SGCE: variants seen among roughly 807,000 people sequenced by gnomAD.
SGCE encodes the protein sarcoglycan epsilon, also known as epsilon-sarcoglycan.
A neutral mutation model predicts 57.8 loss-of-function variants in SGCE; 26 were observed. The ratio of observed to expected loss-of-function variants is 0.45; its 90% confidence interval spans 0.33 to 0.62. The LOEUF is 0.62. Among genes scored for constraint, SGCE ranks in the 20% least tolerant of loss-of-function variants. The pLI is 0.02. For missense variants in SGCE, 468 were observed against 548.6 expected, an observed-to-expected ratio of 0.85 and a Z score of 1.47; for synonymous variants, 183 against 189.5, an observed-to-expected ratio of 0.97 and a Z score of 0.28.
Position 94,629,732 on chromosome 7 carries a change from A to G in SGCE, c.219T>C (p.Pro73=), listed in dbSNP as rs750056501. The change falls in exon 2 of 11, where the codon CCT becomes CCC. Residue 73 remains proline, a synonymous_variant. Transcript: ENST00000648936. The part of the protein sequence containing the change: ...EREYFKGEFP[P]YPKPGEISND... The stretch of plus-strand genomic sequence containing the variant: ...CAAAGAACATACCAGGTTTTGGGTA[A>G]GGTGGAAATTCCCCCTTAAAATATT... 6.2e-7 allele frequency: 1 copy of G among 1,611,192 alleles called. No individual in the cohort carries two copies. Among genetic ancestry groups the G allele is most frequent in the Non-Finnish European group, 8.5e-7 (1 of 1,177,822 alleles).
chr7:94,652,265 T>G (rs1395522575), intron 1 of SGCE, among the ~76,000 whole-genome samples: 1 of 152,088 alleles, frequency 6.6e-6, no homozygotes, highest in Non-Finnish European at 1.5e-5. Context: ...AGGAAATAAG[T>G]GTTAGAATAT....
chr7:94,650,500 G>T, intron 1 of SGCE, among the ~76,000 whole-genome samples: 1 of 152,204 alleles, frequency 6.6e-6, no homozygotes, highest in Admixed American at 6.5e-5. Context: ...AACAGAATGG[G>T]AGAGATAGGA....
chr7:94,610,810 A>C (rs1800903579), intron 5 of SGCE, among the ~76,000 whole-genome samples: 1 of 152,226 alleles, frequency 6.6e-6, no homozygotes, highest in Non-Finnish European at 1.5e-5. Context: ...TAATCAAAAA[A>C]TGAATAATTC....
chr7:94,642,866 C>A (rs1468506612), intron 1 of SGCE, among the ~76,000 whole-genome samples: 1 of 152,198 alleles, frequency 6.6e-6, no homozygotes, highest in Non-Finnish European at 1.5e-5. Context: ...GAGCAAGGTA[C>A]TTTCACATAT....
chr7:94,649,752 C>T (rs1562903815), intron 1 of SGCE, among the ~76,000 whole-genome samples: 1 of 152,198 alleles, frequency 6.6e-6, no homozygotes, highest in Non-Finnish European at 1.5e-5. Context: ...AAAGTGACTG[C>T]ATTTCTGACC....
intron 10 of SGCE, chr7:94,586,489 G>GTTTCCTTTTTTCTTTT: frequency 6.6e-6 from 1 of 151,964 alleles, no homozygotes; most frequent in Non-Finnish European, 1.5e-5. Flanking sequence ...CTCCATTTAG[G>GTTTCCTTTTTTCTTTT]TTTTCTTTTT....
chr7:94,592,669 TG>T (rs1040099694), intron 9 of SGCE, among the ~76,000 whole-genome samples: 4 of 152,058 alleles, frequency 2.6e-5, no homozygotes, highest in African/African-American at 9.7e-5. Flanking sequence ...ATAAGTGAGT[TG>T]GGGGGAGTAC....
chr7:94,656,118 T>C lies in SGCE; in HGVS notation c.-20A>G. ...TTGCATTCTTGGCCTGGCTAGGCCG[T>C]CCGTCCTCGATTCTCCCCTCCCCTC... is the stretch of plus-strand genomic sequence containing the variant. On this transcript the variant is annotated 5_prime_UTR_variant, in exon 1 of 11. Coordinates refer to ENST00000648936, the MANE Select transcript of SGCE (RefSeq NM_003919.3). The C allele has an allele frequency of 6.9e-7, 1 of 1,447,238 alleles. No homozygotes were observed. Among genetic ancestry groups the C allele is most frequent in the Non-Finnish European group, 9.7e-7 (1 of 1,028,258 alleles). 89.6% of individuals were successfully genotyped at this position (1,447,238 alleles called of 1,614,324 possible).
At chr7:94,629,887 G>A (rs752056202) in intron 1 of SGCE, 46 bp from the exon 2 acceptor site, 90 of 1,605,106 alleles carry the variant, frequency 5.6e-5, no homozygotes, top group Non-Finnish European at 7.6e-5. Context: ...CAAATAATGA[G>A]ATACGCCCTT....
At chr7:94,643,082 T>A (rs551025816) in intron 1 of SGCE, among the ~76,000 whole-genome samples, 1 of 152,360 alleles carries the variant, frequency 6.6e-6, no homozygotes, top group South Asian at 2.1e-4. Context: ...CCTTCCTTTA[T>A]TCTAGCTCAG....
chr7:94,593,290 G>A (rs1349479486), intron 9 of SGCE, among the ~76,000 whole-genome samples: 1 of 151,930 alleles, frequency 6.6e-6, no homozygotes, highest in Non-Finnish European at 1.5e-5. Flanking sequence ...TTAGAATAAT[G>A]AATAAGGAAA....
At chr7:94,591,380 A>C (rs1797652077) in intron 9 of SGCE, among the ~76,000 whole-genome samples, 2 of 152,286 alleles carry the variant, frequency 1.3e-5, no homozygotes, top group East Asian at 3.9e-4. Flanking sequence ...CCTTCTACAC[A>C]TAGGCGCACA....
At chr7:94,648,818 A>G (rs1313614634) in intron 1 of SGCE, among the ~76,000 whole-genome samples, 1 of 152,250 alleles carries the variant, frequency 6.6e-6, no homozygotes, top group Non-Finnish European at 1.5e-5. Context: ...GTAAAAGAGC[A>G]ACTATACTTC....
chr7:94,629,290 T>C (rs932031501), intron 2 of SGCE: 3 of 160,058 alleles, frequency 1.9e-5, no homozygotes, highest in Non-Finnish European at 2.7e-5. Flanking sequence ...TGGAGTTATA[T>C]AAAATTATCT....
chr7:94,600,617 A>C, intron 7 of SGCE, 29 bp downstream of exon 7: 2 of 1,496,990 alleles, frequency 1.3e-6, no homozygotes, highest in Non-Finnish European at 1.9e-6. Flanking sequence ...CAGGATCTCT[A>C]ATTATCTTAT....
chr7:94,619,540 A>G (rs1178930171), intron 4 of SGCE: 1 of 152,326 alleles, frequency 6.6e-6, no homozygotes, highest in Admixed American at 6.5e-5. Context: ...TCAGCCTTTC[A>G]ATATGAGAAA....
Position 94,596,693 on chromosome 7 carries a change from G to C in SGCE, c.1253+2082C>G, listed in dbSNP as rs186504386. ...TTATTAATTAACCCTTCTTAAAAGG[G>C]CATGCATTTCATCTTCACATTCATA... On this transcript the variant is annotated intron_variant, in intron 9 of 10. Transcript: ENST00000648936. Among the ~76,000 whole-genome samples, 7 of 152,184 alleles carry C rather than the reference G, an allele frequency of 4.6e-5. No individual in the cohort carries two copies. In the East Asian group the frequency reaches 1.4e-3, roughly 29 times the overall value.
intron 1 of SGCE, among the ~76,000 whole-genome samples, chr7:94,650,103 A>G (rs915295269): frequency 2.6e-5 from 4 of 152,236 alleles, no homozygotes; most frequent in African/African-American, 9.6e-5. Context: ...TTGAGACACT[A>G]AGAATGTGCC....
Position 94,628,321 on chromosome 7 carries a change from A to C in SGCE, c.271T>G (p.Leu91Val). ...CCAGGTCGGTCTGGGTAACCCATTA[A>C]ATTTGTATTAAATGTTATGGGATCA... ...SNDPITFNTN[L>V]MGYPDRPGWL... The change falls in exon 3 of 11, where the codon TTA becomes GTA. Residue 91 changes from leucine (L) to valine (V), a missense_variant. Coordinates refer to ENST00000648936, the MANE Select transcript of SGCE (RefSeq NM_003919.3). 1 of 1,611,120 alleles carries C rather than the reference A, an allele frequency of 6.2e-7. No individual in the cohort carries two copies. The highest frequency in any genetic ancestry group is 1.1e-5 in the South Asian group (1 of 90,960).
Sources: gnomAD v4.1 joint callset for allele counts (sites outside exome capture counted in the v4.1 genomes callset) on GRCh38, gnomAD v4.1.1 for gene constraint, MANE v1.5 for transcripts, NCBI Gene and HGNC (gene_info 2026-07-23, HGNC 2026-07-21) for gene names.